The following PHF24 variants were observed in gnomAD, a reference collection of about 807,000 sequenced individuals.
PHF24 encodes the protein PHD finger protein 24.
In PHF24, 25 loss-of-function variants were observed where a neutral mutation model predicts 42.6. That is an observed-to-expected ratio of 0.59 (90% CI 0.43 to 0.82). The LOEUF is 0.82. PHF24 is among the 40% of genes least tolerant of loss of function. The pLI is 0.00. For synonymous variants in PHF24, 185 were observed against 204.8 expected (o/e 0.90, Z 0.83); for missense variants, 470 against 538.1 (o/e 0.87, Z 1.25).
At chr9:34,832,741 A>T in the PHF24 span, 1 of 1,549,252 alleles carries the variant, frequency 6.5e-7, no homozygotes, top group Non-Finnish European at 8.7e-7. Context: ...AAAACTTGGC[A>T]TTGCAAAGTT....
the PHF24 span, among the ~76,000 whole-genome samples, chr9:34,783,035 C>G: frequency 6.6e-6 from 1 of 152,152 alleles, no homozygotes; most frequent in Non-Finnish European, 1.5e-5. Context: ...TTATTTGTAG[C>G]ATTGCTCTTG....
chr9:34,688,603 T>C, the PHF24 span, among the ~76,000 whole-genome samples: 1 of 152,188 alleles, frequency 6.6e-6, no homozygotes, highest in African/African-American at 2.4e-5. Context: ...GCCTCTCTCC[T>C]GTCTCTGACC....
At chr9:34,939,106 C>A in the PHF24 span, among the ~76,000 whole-genome samples, 2 of 151,960 alleles carry the variant, frequency 1.3e-5, no homozygotes, top group Non-Finnish European at 2.9e-5. Flanking sequence ...CATGGAGAAA[C>A]CGCATCTCTA....
chr9:34,751,963 GA>G, the PHF24 span, among the ~76,000 whole-genome samples: 1 of 151,876 alleles, frequency 6.6e-6, no homozygotes, highest in Non-Finnish European at 1.5e-5. Context: ...GTGGGTCAAT[GA>G]AAAAAATAAC....
the PHF24 span, among the ~76,000 whole-genome samples, chr9:34,932,660 A>G: frequency 6.6e-6 from 1 of 152,170 alleles, no homozygotes; most frequent in Admixed American, 6.5e-5. Context: ...AAATTTCAGT[A>G]TGGTGTTACT....
At chr9:34,693,966 A>AACAGG in the PHF24 span, among the ~76,000 whole-genome samples, 10 of 151,970 alleles carry the variant, frequency 6.6e-5, no homozygotes, top group African/African-American at 2.2e-4. Context: ...GTTTATCCAG[A>AACAGG]ACAGGAGTTT....
At chr9:34,677,115 C>T in the PHF24 span, among the ~76,000 whole-genome samples, 1 of 152,242 alleles carries the variant, frequency 6.6e-6, no homozygotes, top group African/African-American at 2.4e-5. Flanking sequence ...TTATCCATCT[C>T]AGAAAAGGAA....
the PHF24 span, among the ~76,000 whole-genome samples, chr9:34,692,388 T>C: frequency 2.6e-5 from 4 of 152,242 alleles, no homozygotes; most frequent in African/African-American, 9.6e-5. Context: ...ATTATTATTC[T>C]TATTTTACAC....
At chr9:34,843,720 T>C in the PHF24 span, among the ~76,000 whole-genome samples, 1 of 151,978 alleles carries the variant, frequency 6.6e-6, no homozygotes, top group Non-Finnish European at 1.5e-5. Flanking sequence ...GCTTGGCTAA[T>C]TTTTTTTATT....
the PHF24 span, among the ~76,000 whole-genome samples, chr9:34,858,313 C>A: frequency 6.6e-6 from 1 of 152,136 alleles, no homozygotes; most frequent in South Asian, 2.1e-4. Context: ...TTTGGAGATT[C>A]TGGGTAGGCT....
the PHF24 span, among the ~76,000 whole-genome samples, chr9:34,846,349 G>A: frequency 3.3e-5 from 5 of 151,720 alleles, no homozygotes; most frequent in Non-Finnish European, 5.9e-5. Flanking sequence ...CTGATGGCCA[G>A]TGATGGTGAG....
At chr9:34,835,609 G>A in the PHF24 span, 3 of 1,551,738 alleles carry the variant, frequency 1.9e-6, no homozygotes, top group African/African-American at 1.4e-5. Flanking sequence ...CTGGTTCAGT[G>A]GAGCCCTTGG....
the PHF24 span, among the ~76,000 whole-genome samples, chr9:34,782,605 C>T: frequency 6.6e-6 from 1 of 152,280 alleles, no homozygotes; most frequent in East Asian, 1.9e-4. Flanking sequence ...TACTAGACTT[C>T]CAACAGCGAT....
At chr9:34,752,780 G>C in the PHF24 span, among the ~76,000 whole-genome samples, 1 of 151,982 alleles carries the variant, frequency 6.6e-6, no homozygotes, top group Non-Finnish European at 1.5e-5. Flanking sequence ...TACCGGAAAT[G>C]TCATTAACAA....
At chr9:34,734,797 A>G in the PHF24 span, among the ~76,000 whole-genome samples, 1 of 152,114 alleles carries the variant, frequency 6.6e-6, no homozygotes, top group South Asian at 2.1e-4. Flanking sequence ...GAAAAACAGA[A>G]TCTCCCCACC....
At chr9:34,849,794 C>T in the PHF24 span, among the ~76,000 whole-genome samples, 3 of 152,082 alleles carry the variant, frequency 2.0e-5, no homozygotes, top group African/African-American at 7.3e-5. Context: ...TAGGGCATGC[C>T]TGGTGGTGAC....
At chr9:34,756,127 T>G in the PHF24 span, among the ~76,000 whole-genome samples, 1,750 of 152,268 alleles carry the variant, frequency 0.011, 23 homozygotes, top group Middle Eastern at 0.027. Context: ...TTCTCAAAGT[T>G]TCGCTCTTGT....
chr9:34,808,749 T>TA, the PHF24 span, among the ~76,000 whole-genome samples: 1 of 151,828 alleles, frequency 6.6e-6, no homozygotes, highest in Non-Finnish European at 1.5e-5. Flanking sequence ...AAGCCCTTTT[T>TA]AAAAGGCATT....
chr9:34,708,701 G>A, the PHF24 span, among the ~76,000 whole-genome samples: 4 of 152,206 alleles, frequency 2.6e-5, no homozygotes, highest in East Asian at 1.9e-4. Context: ...GAAAAGATCC[G>A]AAGGTCACCC....
Sources: gnomAD v4.1 joint callset for allele counts (sites outside exome capture counted in the v4.1 genomes callset) on GRCh38, gnomAD v4.1.1 for gene constraint, MANE v1.5 for transcripts, NCBI Gene and HGNC (gene_info 2026-07-23, HGNC 2026-07-21) for gene names.